SETD5: variants seen among roughly 807,000 people sequenced by gnomAD.
The protein encoded by SETD5 is histone-lysine N-methyltransferase SETD5.
In SETD5, 44 loss-of-function variants were observed where a neutral mutation model predicts 153.3. The ratio of observed to expected loss-of-function variants is 0.29; its 90% CI spans 0.23 to 0.37. The LOEUF (loss-of-function observed/expected upper bound fraction) is 0.37. Among genes scored for constraint, SETD5 ranks in the 10% least tolerant of loss-of-function variants. The pLI, the probability that SETD5 is intolerant of heterozygous loss-of-function variation, is 1.00. For synonymous variants in SETD5, 716 were observed against 645.2 expected (o/e 1.11, Z -1.66); for missense variants, 1,544 against 1,768.0 (o/e 0.87, Z 2.27).
intron 3 of SETD5, 185 bp downstream of exon 3, chr3:9,429,194 A>G (rs1162205267): frequency 5.2e-6 from 2 of 382,446 alleles, no homozygotes; most frequent in Non-Finnish European, 9.5e-6. Context: ...AAGGGGAAGG[A>G]AGAGTTTTCA....
At chr3:9,401,627 C>T (rs2034794783) in intron 1 of SETD5, among the ~76,000 whole-genome samples, 1 of 152,150 alleles carries the variant, frequency 6.6e-6, no homozygotes, top group Non-Finnish European at 1.5e-5. Flanking sequence ...GCTTTATCCT[C>T]TCCATGTTGA....
chr3:9,430,550 G>T (rs1291818703), intron 3 of SETD5: 3 of 207,308 alleles, frequency 1.4e-5, no homozygotes, highest in Non-Finnish European at 2.5e-5. Flanking sequence ...AACTCTCCCT[G>T]CATTAGTAGG....
intron 3 of SETD5, chr3:9,431,528 CTG>C (rs1345492540): frequency 3.1e-6 from 3 of 981,402 alleles, no homozygotes; most frequent in Non-Finnish European, 3.6e-6. Context: ...AAGTGTCTAA[CTG>C]TGTATTCAAT....
chr3:9,434,518 G>A lies in SETD5; in HGVS notation c.329+33G>A. On this transcript the variant is annotated intron_variant, in intron 5 of 22. Coordinates refer to ENST00000402198, the MANE Select transcript of SETD5 (RefSeq NM_001080517.3). The surrounding 1 kb of genome is among the most constrained non-coding windows in gnomAD (Gnocchi z 5.6). ...CCTGTTCCATCTAAATTTAAGTCTG[G>A]GTTGCTGGGATTAGGGTTTCTTACA... 2 of 1,613,208 alleles carry A rather than the reference G, an allele frequency of 1.2e-6. No individual in the cohort carries two copies. Among genetic ancestry groups the A allele is most frequent in the Non-Finnish European group, 1.7e-6 (2 of 1,179,420 alleles).
At chr3:9,415,563 A>G (rs1288283655) in intron 1 of SETD5, among the ~76,000 whole-genome samples, 1 of 152,214 alleles carries the variant, frequency 6.6e-6, no homozygotes, top group East Asian at 1.9e-4. Context: ...GTTGTCTTCC[A>G]TTGCTGTTAT....
At position 9,440,665 on chromosome 3, in the gene SETD5, C is replaced by G. The variant is rs1484579194; in HGVS notation, c.777C>G (p.Ala259=). Residue 259 remains alanine, a synonymous_variant, in exon 8 of 23, where the codon GCC becomes GCG. Coordinates refer to ENST00000402198, the MANE Select transcript of SETD5 (RefSeq NM_001080517.3). ...ACACTATTAATAAGACTGAATTGGC[C>G]TGTAATAACACAGTTATTGGTTCCC... The part of the protein sequence containing the change: ...ILDTINKTEL[A]CNNTVIGSQM... 5 of 1,613,456 alleles carry G rather than the reference C, an allele frequency of 3.1e-6. No homozygotes were observed. In the African/African-American group the frequency reaches 5.3e-5, roughly 17 times the overall value.
chr3:9,464,692 T>C lies in SETD5; in HGVS notation c.2724+20T>C, dbSNP rs368427413. On this transcript the variant is annotated intron_variant, in intron 18 of 22. Transcript: ENST00000402198. Reference sequence around the variant, plus strand: ...TTTGAGGTGATTTGGGTTTGGTTGCTGGGAGTGCTGGATATGAAAATCATC... The same window carrying C: ...TTTGAGGTGATTTGGGTTTGGTTGCCGGGAGTGCTGGATATGAAAATCATC... The C allele has an allele frequency of 6.2e-7, 1 of 1,614,030 alleles. No homozygotes were observed. Among genetic ancestry groups the C allele is most frequent in the Non-Finnish European group, 8.5e-7 (1 of 1,179,878 alleles).
chr3:9,443,780 T>A (rs950615994), intron 11 of SETD5, among the ~76,000 whole-genome samples: 2 of 152,204 alleles, frequency 1.3e-5, no homozygotes, highest in East Asian at 3.9e-4. Context: ...AATGAGAATT[T>A]AGGCCAGGCG....
rs1277491405 is a variant in SETD5, at chr3:9,457,755, T to A, written c.2476+3887T>A. On this transcript the variant is annotated intron_variant, in intron 17 of 22. Transcript: ENST00000402198. ...AAATTTCTTTTTCTTTTTTTTTTTT[T>A]CATGAATCATACGTGAGCCTTTGAT... 3.3e-5 allele frequency among the ~76,000 whole-genome samples: 5 copies of A among 149,478 alleles called. 1 individual carries two copies. The highest frequency in any genetic ancestry group is 1.2e-4 in the African/African-American group (5 of 41,124).
rs1418125285 is a variant in SETD5 at position 9,434,353 on chromosome 3, A to T, written c.197A>T (p.Asp66Val). Residue 66 changes from aspartate (D) to valine (V), a missense_variant, in exon 5 of 23, where the codon GAC (aspartate) becomes GTC (valine). Asp to Val is a radical substitution (Grantham distance 152, BLOSUM62 -3). This residue lies in a region of SETD5 where 251 missense variants were observed against 326.9 expected (regional missense o/e 0.77). Coordinates refer to ENST00000402198, the MANE Select transcript of SETD5 (RefSeq NM_001080517.3). This position sits in a 1 kb window ranked among gnomAD's most constrained non-coding sequence, Gnocchi z 5.6. ...GTCCAGACGATCATCCCTCGTTCTGACCTGAATGGCCTGCCGTCGCCTGTA... is the reference window on the plus strand; with the variant it reads ...GTCCAGACGATCATCCCTCGTTCTGTCCTGAATGGCCTGCCGTCGCCTGTA... ...LPYATIIPRS[D>V]LNGLPSPVEE... The T allele has an allele frequency of 1.1e-5, 18 of 1,613,800 alleles. No homozygotes were observed. Among genetic ancestry groups the T allele is most frequent in the Non-Finnish European group, 1.5e-5 (18 of 1,179,784 alleles).
chr3:9,431,473 G>A (rs1042772869), intron 3 of SETD5: 1 of 944,302 alleles, frequency 1.1e-6, no homozygotes, highest in Non-Finnish European at 1.3e-6. Context: ...ATAAAAACTA[G>A]TATATATATC....
At chr3:9,457,961 T>G (rs1240322380) in intron 17 of SETD5, among the ~76,000 whole-genome samples, 1 of 152,120 alleles carries the variant, frequency 6.6e-6, no homozygotes, top group Non-Finnish European at 1.5e-5. Flanking sequence ...TGAAGTACTT[T>G]CTCTTGAGGT....
At position 9,470,722 on chromosome 3, in the gene SETD5, A is replaced by T; in HGVS notation, c.2988A>T (p.Ala996=). The T allele has an allele frequency of 6.2e-7, 1 of 1,614,064 alleles. No homozygotes were observed. The highest frequency in any genetic ancestry group is 1.1e-5 in the South Asian group (1 of 91,090). Residue 996 remains alanine (A), a synonymous_variant, in exon 19 of 23, where the codon GCA becomes GCT. Coordinates refer to ENST00000402198, the MANE Select transcript of SETD5 (RefSeq NM_001080517.3). ...CCCCTTTGAATGCTATGCCTCGAGC[A>T]GATGGACTGTATCGAGGATCTCCTC... ...AYSPLNAMPR[A]DGLYRGSPLV... is the part of the protein sequence containing the mutation.
intron 17 of SETD5, among the ~76,000 whole-genome samples, chr3:9,459,518 C>T (rs1308368044): frequency 2.6e-5 from 4 of 151,762 alleles, no homozygotes; most frequent in African/African-American, 9.7e-5. Flanking sequence ...CGCCTGTAAT[C>T]CCAGCACTTT....
chr3:9,434,306 G>A lies in SETD5; in HGVS notation c.178-28G>A, dbSNP rs2040317652. 1.9e-6 allele frequency: 3 copies of A among 1,612,976 alleles called. No individual in the cohort carries two copies. Among genetic ancestry groups the A allele is most frequent in the Non-Finnish European group, 2.5e-6 (3 of 1,179,176 alleles). ...ATAATTACGGAGCCCCTCCTCCTCC[G>A]ACACCTCCTGCTTCTCCCCCTGTCC... is the stretch of plus-strand genomic sequence containing the variant. On this transcript the variant is annotated intron_variant, in intron 4 of 22. Coordinates refer to ENST00000402198, the MANE Select transcript of SETD5 (RefSeq NM_001080517.3). The surrounding 1 kb of genome is among the most constrained non-coding windows in gnomAD (Gnocchi z 5.6).
intron 12 of SETD5, 68 bp downstream of exon 12, chr3:9,445,368 C>A: frequency 6.5e-7 from 1 of 1,540,600 alleles, no homozygotes; most frequent in Non-Finnish European, 8.8e-7. Flanking sequence ...ACCCGGGTTG[C>A]CGCATGGTTT....
chr3:9,453,854 G>A lies in SETD5; in HGVS notation c.2462G>A (p.Cys821Tyr), dbSNP rs376767548. Residue 821 changes from cysteine (C) to tyrosine (Y), a missense_variant, in exon 17 of 23, where the codon TGC becomes TAC. Around this residue, in one of 9 missense-constraint regions of SETD5, gnomAD observed 782 missense variants for 787.2 expected, o/e 0.99. Transcript: ENST00000402198. ...GAGAATAGTAGCTCTTCTAGTATCT[G>A]CAAAGACAATGCAGGTACGTATCTA... ...SNENSSSSSI[C>Y]KDNADLLSPL... The A allele has an allele frequency of 2.6e-4, 405 of 1,584,400 alleles. No homozygotes were observed. The highest frequency in any genetic ancestry group is 3.3e-4 in the Non-Finnish European group (387 of 1,170,782).
In SETD5 at chr3:9,470,870, G is replaced by A. The variant is rs769459080; in HGVS notation, c.3136G>A (p.Gly1046Ser). Residue 1046 changes from glycine to serine, a missense_variant, in exon 19 of 23, where the codon GGT (glycine) becomes AGT (serine). By Grantham distance (56) the Gly-to-Ser change is moderately conservative. Coordinates refer to ENST00000402198, the MANE Select transcript of SETD5 (RefSeq NM_001080517.3). ...DLSRGSLSPG[G>S]ERACEGVPSA... is the part of the protein sequence containing the mutation. ...CTCTCGTGGATCCTTGTCACCTGGTGGTGAAAGGGCCTGTGAAGGAGTCCC... is the reference window on the plus strand; with the variant it reads ...CTCTCGTGGATCCTTGTCACCTGGTAGTGAAAGGGCCTGTGAAGGAGTCCC... 6.2e-7 allele frequency: 1 copy of A among 1,610,716 alleles called. No homozygotes were observed. Among genetic ancestry groups the A allele is most frequent in the Non-Finnish European group, 8.5e-7 (1 of 1,178,370 alleles).
chr3:9,430,238 C>T, intron 3 of SETD5: 3 of 984,862 alleles, frequency 3.0e-6, no homozygotes, highest in Non-Finnish European at 3.6e-6. Flanking sequence ...CATAAAGCCA[C>T]CTAATATAAC....
Sources: allele counts gnomAD v4.1 joint callset (sites outside exome capture counted in the v4.1 genomes callset), GRCh38; gene constraint gnomAD v4.1.1; regional missense constraint gnomAD v4.1.1; non-coding constraint Gnocchi (gnomAD v3.1); transcripts MANE v1.5; gene names NCBI Gene and HGNC (gene_info 2026-07-23, HGNC 2026-07-21).